The following ANKS1B variants were observed in gnomAD, a reference collection of about 807,000 sequenced individuals.
The protein encoded by ANKS1B is ankyrin repeat and sterile alpha motif domain containing 1B.
ANKS1B carries 36 observed loss-of-function variants against 148.3 expected under a neutral mutation model. The ratio of observed to expected loss-of-function variants is 0.24; its 90% CI spans 0.19 to 0.32. The LOEUF (loss-of-function observed/expected upper bound fraction) is 0.32. Ranked by LOEUF, ANKS1B falls within the 10% of genes least tolerant of loss-of-function variation. The pLI, the probability that ANKS1B is intolerant of heterozygous loss-of-function variation, is 1.00. For missense variants in ANKS1B, 1,157 were observed against 1,542.6 expected, an observed-to-expected ratio of 0.75 and a Z score of 4.19; for synonymous variants, 542 against 560.8, an observed-to-expected ratio of 0.97 and a Z score of 0.47.
intron 17 of ANKS1B, among the ~76,000 whole-genome samples, chr12:99,020,558 G>T (rs569928322): frequency 6.6e-6 from 1 of 152,222 alleles, no homozygotes; most frequent in East Asian, 1.9e-4. Context: ...TGTAGTGTCA[G>T]TCTCAATTGC....
intron 17 of ANKS1B, among the ~76,000 whole-genome samples, chr12:98,980,265 A>G (rs887509633): frequency 1.3e-5 from 2 of 152,188 alleles, no homozygotes; most frequent in Non-Finnish European, 2.9e-5. Context: ...CAGTGGCGCA[A>G]TCTCGGCTCA....
intron 14 of ANKS1B, among the ~76,000 whole-genome samples, chr12:99,160,804 C>T (rs1473877598): frequency 1.3e-5 from 2 of 152,122 alleles, no homozygotes; most frequent in Non-Finnish European, 2.9e-5. Context: ...GAGTCCTTTC[C>T]TCATTGCTTA....
In ANKS1B at chr12:99,203,402, TGCCAGAA is replaced by T. The variant is rs957682572; in HGVS notation, c.2419+40933_2419+40939del. On this transcript the variant is annotated intron_variant, in intron 14 of 26. Transcript: ENST00000683438. ...AACTTCAAGCTCAGGCTTTATCTCC[TGCCAGAA>T]GCCTTTCCTGATGCTTTCAGGTTCT... Among the ~76,000 whole-genome samples, 26 of 152,262 alleles carry T rather than the reference TGCCAGAA, an allele frequency of 1.7e-4. 1 individual carries two copies. Among genetic ancestry groups the T allele is most frequent in the Admixed American group, 1.3e-3 (20 of 15,292 alleles).
At chr12:99,292,593 C>G (rs1247169946) in intron 12 of ANKS1B, among the ~76,000 whole-genome samples, 1 of 150,918 alleles carries the variant, frequency 6.6e-6, no homozygotes, top group African/African-American at 2.4e-5. Context: ...TTTTCACAAT[C>G]TACCCATCTG....
chr12:99,209,163 GT>G (rs1191676613), intron 14 of ANKS1B, among the ~76,000 whole-genome samples: 1 of 152,138 alleles, frequency 6.6e-6, no homozygotes, highest in African/African-American at 2.4e-5. Context: ...TCTTCCAGAG[GT>G]TTTCAAAAGT....
At chr12:99,677,293 A>C (rs1280543048) in intron 8 of ANKS1B, among the ~76,000 whole-genome samples, 1 of 152,118 alleles carries the variant, frequency 6.6e-6, no homozygotes, top group African/African-American at 2.4e-5. Context: ...CATGACTTAG[A>C]TCTTAAAAGC....
intron 12 of ANKS1B, among the ~76,000 whole-genome samples, chr12:99,299,706 T>C (rs2081354608): frequency 6.6e-6 from 1 of 152,234 alleles, no homozygotes; most frequent in Admixed American, 6.5e-5. Flanking sequence ...AGTTAGGACA[T>C]ATCTATATGC....
intron 2 of ANKS1B, among the ~76,000 whole-genome samples, chr12:99,820,857 C>T (rs895161940): frequency 3.3e-5 from 5 of 151,802 alleles, no homozygotes; most frequent in Admixed American, 6.6e-5. Flanking sequence ...AGACTTAGAA[C>T]CAGAACACTT....
intron 10 of ANKS1B, among the ~76,000 whole-genome samples, chr12:99,499,939 C>T (rs1595921395): frequency 6.6e-6 from 1 of 151,484 alleles, no homozygotes; most frequent in East Asian, 1.9e-4. Flanking sequence ...GGGCAGCAGA[C>T]AGAAGCTGGA....
intron 1 of ANKS1B, among the ~76,000 whole-genome samples, chr12:99,838,027 T>G (rs1168245224): frequency 6.6e-6 from 1 of 152,140 alleles, no homozygotes; most frequent in Non-Finnish European, 1.5e-5. Flanking sequence ...AGTGAGAACA[T>G]GTGGTATTTG....
rs77266448 is a variant in ANKS1B at position 99,178,285 on chromosome 12, C to A, written c.2420-23890G>T. On this transcript the variant is annotated intron_variant, in intron 14 of 26. Transcript: ENST00000683438. ...CCATACCCACAGGGGTGTCTGTAGG[C>A]CATTTGGACTCTTTCAACAATATCT... Among the ~76,000 whole-genome samples the A allele has an allele frequency of 7.6e-3, 1,162 of 152,300 alleles. 12 individuals carry two copies. The highest frequency in any genetic ancestry group is 0.027 in the African/African-American group (1,129 of 41,564).
intron 9 of ANKS1B, among the ~76,000 whole-genome samples, chr12:99,600,560 T>C (rs2097792363): frequency 6.6e-6 from 1 of 152,058 alleles, no homozygotes; most frequent in South Asian, 2.1e-4. Context: ...GGTGCTTCCG[T>C]GGTCATCAAA....
At chr12:99,413,400 A>G (rs952800945) in intron 11 of ANKS1B, among the ~76,000 whole-genome samples, 1 of 152,208 alleles carries the variant, frequency 6.6e-6, no homozygotes, top group Admixed American at 6.5e-5. Context: ...AGAAGCAAAC[A>G]TATTTACAAG....
intron 14 of ANKS1B, among the ~76,000 whole-genome samples, chr12:99,181,096 C>A (rs112821281): frequency 1.3e-5 from 2 of 152,120 alleles, no homozygotes; most frequent in Non-Finnish European, 2.9e-5. Context: ...TATAGCTTTC[C>A]TTGGGTTTGT....
intron 14 of ANKS1B, among the ~76,000 whole-genome samples, chr12:99,197,264 T>C (rs2081499495): frequency 6.6e-6 from 1 of 152,084 alleles, no homozygotes; most frequent in African/African-American, 2.4e-5. Context: ...AAACCAAATA[T>C]CCTTTATAAA....
chr12:99,776,670 T>C (rs1017432027), intron 6 of ANKS1B, among the ~76,000 whole-genome samples: 3 of 131,416 alleles, frequency 2.3e-5, no homozygotes, highest in African/African-American at 8.9e-5. Flanking sequence ...AGGGTTTTTT[T>C]TGTTTCTTTT....
chr12:99,415,932 C>T (rs181602428), intron 11 of ANKS1B, among the ~76,000 whole-genome samples: 1 of 152,184 alleles, frequency 6.6e-6, no homozygotes, highest in Non-Finnish European at 1.5e-5. Flanking sequence ...ATCCACCCAC[C>T]TTGGCCTCCT....
chr12:99,909,919 C>T (rs1043434832), intron 1 of ANKS1B, among the ~76,000 whole-genome samples: 1 of 152,068 alleles, frequency 6.6e-6, no homozygotes, highest in African/African-American at 2.4e-5. Context: ...TAGACTACAA[C>T]TACAACTATA....
At chr12:98,856,340 T>G (rs971329598) in intron 17 of ANKS1B, among the ~76,000 whole-genome samples, 1 of 152,170 alleles carries the variant, frequency 6.6e-6, no homozygotes, top group Non-Finnish European at 1.5e-5. Context: ...AATAGAGAGC[T>G]CACTGGCTTT....
Sources: allele counts gnomAD v4.1 joint callset (sites outside exome capture counted in the v4.1 genomes callset), GRCh38; gene constraint gnomAD v4.1.1; transcripts MANE v1.5; gene names NCBI Gene and HGNC (gene_info 2026-07-23, HGNC 2026-07-21).